SFSWAP: variants seen among roughly 807,000 people sequenced by gnomAD.
The protein encoded by SFSWAP is splicing factor SWAP, also known as splicing factor, suppressor of white-apricot homolog.
In SFSWAP, 17 loss-of-function variants were observed where a neutral mutation model predicts 100.7. That is an observed-to-expected ratio of 0.17 (90% CI 0.12 to 0.25). The LOEUF is 0.25. SFSWAP is among the 10% of genes least tolerant of loss of function. The pLI is 1.00. For synonymous variants in SFSWAP, 504 were observed against 510.1 expected (o/e 0.99, Z 0.16); for missense variants, 1,005 against 1,262.6 (o/e 0.80, Z 3.09).
chr12:131,767,837 T>C (rs1333529713), intron 13 of SFSWAP, among the ~76,000 whole-genome samples: 2 of 151,234 alleles, frequency 1.3e-5, no homozygotes, highest in Non-Finnish European at 3.0e-5. Context: ...TCATTGAGGG[T>C]GGAGGGAGGG....
rs752230947 is a variant in SFSWAP, at chr12:131,786,467, C to T, written c.2413C>T (p.Arg805Cys). 10 of 1,586,094 alleles carry T rather than the reference C, an allele frequency of 6.3e-6. No individual in the cohort carries two copies. Among genetic ancestry groups the T allele is most frequent in the African/African-American group, 2.7e-5 (2 of 74,478 alleles). The change falls in exon 15 of 18, where the codon CGC becomes TGC. Residue 805 changes from arginine to cysteine, a missense_variant. Arg to Cys is a radical substitution (Grantham distance 180, BLOSUM62 -3). This residue lies in a region of SFSWAP where 295 missense variants were observed against 347.9 expected (regional missense o/e 0.85). Coordinates refer to ENST00000261674, the MANE Select transcript of SFSWAP (RefSeq NM_004592.4). ...ACTGCCTCCTCCCCTGTCCAGGTCC[C>T]GCTCCCGGTCCCCTCGGAGGAGAGC... is the stretch of plus-strand genomic sequence containing the variant. ...AYRTVRRSRS[R>C]SRSPRRRAHS...
intron 7 of SFSWAP, among the ~76,000 whole-genome samples, chr12:131,748,322 TA>T (rs753272508): frequency 1.1e-4 from 16 of 151,240 alleles, no homozygotes; most frequent in South Asian, 4.2e-4. Context: ...AAGTAGCTAA[TA>T]TTTTTTTGTA....
In SFSWAP at chr12:131,738,885, C is replaced by CTTTTTTTTTTTTTTTTTTTTTTTT. The variant is rs71072785; in HGVS notation, c.1081+10458_1081+10481dup. On this transcript the variant is annotated intron_variant, in intron 7 of 17. Transcript: ENST00000261674. ...TTCCAGTGCTGTAATGAACATTATT[C>CTTTTTTTTTTTTTTTTTTTTTTTT]TTTTTTTTTTTTTTTTTTTTTTTTG... is the stretch of plus-strand genomic sequence containing the variant. Among the ~76,000 whole-genome samples the CTTTTTTTTTTTTTTTTTTTTTTTT allele has an allele frequency of 8.2e-4, 40 of 48,754 alleles. 18 individuals carry two copies. The highest frequency in any genetic ancestry group is 0.023 in the Middle Eastern group (1 of 44). 32.0% of individuals were successfully genotyped at this position (48,754 alleles called of 152,430 possible). A position where few individuals can be genotyped will look rare whatever the true frequency, so the allele number is the denominator to read the frequency against.
At chr12:131,744,831 T>C (rs2136212992) in intron 7 of SFSWAP, among the ~76,000 whole-genome samples, 1 of 152,322 alleles carries the variant, frequency 6.6e-6, no homozygotes, top group East Asian at 1.9e-4. Flanking sequence ...CTCACAATCA[T>C]GGCAGAAGGC....
chr12:131,745,873 G>A (rs1009291632), intron 7 of SFSWAP, among the ~76,000 whole-genome samples: 1 of 152,172 alleles, frequency 6.6e-6, no homozygotes, highest in African/African-American at 2.4e-5. Context: ...AGCCTGCAGG[G>A]AATGGCGACT....
intron 16 of SFSWAP, among the ~76,000 whole-genome samples, 183 bp downstream of exon 16, chr12:131,797,543 A>G (rs1298898862): frequency 6.6e-6 from 1 of 152,240 alleles, no homozygotes; most frequent in Non-Finnish European, 1.5e-5. Context: ...CTCACAATCC[A>G]TGAGCGCTCA....
chr12:131,729,107 C>A (rs1879268502), intron 7 of SFSWAP, among the ~76,000 whole-genome samples: 1 of 152,156 alleles, frequency 6.6e-6, no homozygotes, highest in African/African-American at 2.4e-5. Context: ...GGCAATGGGG[C>A]CTCCGTTAAA....
At chr12:131,727,551 AC>A (rs2136189926) in intron 6 of SFSWAP, among the ~76,000 whole-genome samples, 1 of 152,328 alleles carries the variant, frequency 6.6e-6, no homozygotes, top group Non-Finnish European at 1.5e-5. Context: ...AGGCTGAGGC[AC>A]GAGAATTGCT....
rs151189391 is a variant in SFSWAP at position 131,725,491 on chromosome 12, G to A, written c.693G>A (p.Lys231=). Reference sequence around the variant, plus strand: ...GAGCACAGTTTGAGATCATGCTGAAGGCCAAGCAGGCCCGGAACTCCCAGT... The same window carrying A: ...GAGCACAGTTTGAGATCATGCTGAAAGCCAAGCAGGCCCGGAACTCCCAGT... ...RQGAQFEIML[K]AKQARNSQFD... Residue 231 remains lysine, a synonymous_variant, in exon 5 of 18, where the codon AAG becomes AAA. Transcript: ENST00000261674. This position sits in a 1 kb window ranked among gnomAD's most constrained non-coding sequence, Gnocchi z 4.3. The A allele has an allele frequency of 1.4e-5, 22 of 1,614,052 alleles. No homozygotes were observed. The African/African-American group carries it at 2.7e-4, about 20-fold the overall frequency.
intron 10 of SFSWAP, 33 bp downstream of exon 10, chr12:131,755,512 T>C: frequency 6.7e-7 from 1 of 1,496,700 alleles, no homozygotes; most frequent in South Asian, 1.1e-5. Context: ...GCTGTGAAGC[T>C]CTTAGAGGTG....
intron 14 of SFSWAP, among the ~76,000 whole-genome samples, chr12:131,779,227 G>A (rs1228253452): frequency 2.7e-5 from 4 of 149,998 alleles, no homozygotes; most frequent in Admixed American, 1.3e-4. Context: ...AGAGGGCGGC[G>A]CGGGTGAGCG....
In SFSWAP at chr12:131,732,221, T is replaced by C. The variant is rs531393051; in HGVS notation, c.1081+3793T>C. Among the ~76,000 whole-genome samples, 7 of 152,290 alleles carry C rather than the reference T, an allele frequency of 4.6e-5. 1 individual carries two copies. The South Asian group carries it at 1.4e-3, about 32-fold the overall frequency. ...ACCGCACCCAGCCGTGTTGCTATTA[T>C]ACTTAAGAAACAAAGTAAAATACAA... On this transcript the variant is annotated intron_variant, in intron 7 of 17. Coordinates refer to ENST00000261674, the MANE Select transcript of SFSWAP (RefSeq NM_004592.4).
At chr12:131,793,607 A>G (rs554536489) in intron 15 of SFSWAP, among the ~76,000 whole-genome samples, 5 of 152,252 alleles carry the variant, frequency 3.3e-5, no homozygotes, top group East Asian at 3.9e-4. Flanking sequence ...GAAAAAACCA[A>G]TTAGACTTCA....
chr12:131,777,174 G>A (rs1884092488), intron 13 of SFSWAP, among the ~76,000 whole-genome samples: 1 of 152,012 alleles, frequency 6.6e-6, no homozygotes, highest in African/African-American at 2.4e-5. Context: ...TAAGTTTTAG[G>A]GTACATGTGC....
At chr12:131,740,391 C>T (rs901215663) in intron 7 of SFSWAP, among the ~76,000 whole-genome samples, 3 of 152,188 alleles carry the variant, frequency 2.0e-5, no homozygotes, top group Non-Finnish European at 4.4e-5. Flanking sequence ...GATGCTCTTT[C>T]TGACCCAACA....
chr12:131,768,322 G>A (rs1883294246), intron 13 of SFSWAP, among the ~76,000 whole-genome samples: 1 of 152,092 alleles, frequency 6.6e-6, no homozygotes, highest in African/African-American at 2.4e-5. Flanking sequence ...TTATATTGAC[G>A]TTTCTAAGAG....
chr12:131,754,523 T>C, intron 9 of SFSWAP, 24 bp downstream of exon 9: 1 of 1,534,436 alleles, frequency 6.5e-7, no homozygotes, highest in Non-Finnish European at 8.8e-7. Flanking sequence ...TTTTATATGT[T>C]AGGTATATGG....
At chr12:131,763,562 A>G (rs1882852576) in intron 11 of SFSWAP, among the ~76,000 whole-genome samples, 1 of 152,120 alleles carries the variant, frequency 6.6e-6, no homozygotes, top group Admixed American at 6.5e-5. Context: ...TGGATATTCT[A>G]AGAGGAGGGA....
At chr12:131,774,883 G>C (rs1471891344) in intron 13 of SFSWAP, among the ~76,000 whole-genome samples, 1 of 151,986 alleles carries the variant, frequency 6.6e-6, no homozygotes, top group Non-Finnish European at 1.5e-5. Flanking sequence ...ACAGTGGTGA[G>C]ATAAGTATTA....
Sources: gnomAD v4.1 joint callset for allele counts (sites outside exome capture counted in the v4.1 genomes callset) on GRCh38, gnomAD v4.1.1 for gene constraint, gnomAD v4.1.1 regional missense constraint, Gnocchi (gnomAD v3.1) non-coding constraint, MANE v1.5 for transcripts, NCBI Gene and HGNC (gene_info 2026-07-23, HGNC 2026-07-21) for gene names.